The following SLC26A4 variants were observed in gnomAD, a reference collection of about 807,000 sequenced individuals.
SLC26A4 encodes the protein pendrin.
A neutral mutation model predicts 90.4 loss-of-function variants in SLC26A4; 93 were observed. That is an observed-to-expected ratio of 1.03 (90% CI 0.87 to 1.22). SLC26A4 has a LOEUF of 1.22. Ranked by LOEUF, SLC26A4 falls within the 50% of genes most tolerant of loss-of-function variation. The pLI, the probability that SLC26A4 is intolerant of heterozygous loss-of-function variation, is 0.00. For missense variants in SLC26A4, 1,127 were observed against 946.2 expected, an observed-to-expected ratio of 1.19 and a Z score of -2.51; for synonymous variants, 393 against 354.6, an observed-to-expected ratio of 1.11 and a Z score of -1.22.
rs367833579 is a variant in SLC26A4, at chr7:107,661,420, G to C, written c.-3-219G>C. 4.3e-5 allele frequency: 26 copies of C among 604,778 alleles called. No individual in the cohort carries two copies. In the East Asian group the frequency reaches 5.3e-4, roughly 12 times the overall value. 37.5% of individuals were successfully genotyped at this position (604,778 alleles called of 1,614,324 possible). A position where few individuals can be genotyped will look rare whatever the true frequency, so the allele number is the denominator to read the frequency against. ...CCCGGGCAGCGGGTGCAGGCCACGA[G>C]ACCCGAAGGTTCTCAGGTGCCCCCC... On this transcript the variant is annotated intron_variant, in intron 1 of 20. Transcript: ENST00000644269. The surrounding 1 kb of genome is among the most constrained non-coding windows in gnomAD (Gnocchi z 5.1).
chr7:107,684,894 A>G (rs781439570), intron 8 of SLC26A4, among the ~76,000 whole-genome samples: 47 of 152,202 alleles, frequency 3.1e-4, no homozygotes, highest in Admixed American at 7.9e-4. Context: ...TAGGTGGTCC[A>G]CAGAGCAGGC....
chr7:107,695,365 T>C (rs1474575774), intron 12 of SLC26A4, among the ~76,000 whole-genome samples: 1 of 152,166 alleles, frequency 6.6e-6, no homozygotes, highest in African/African-American at 2.4e-5. Context: ...GTTTTCCCCT[T>C]TTTAATGATA....
chr7:107,690,695 C>T (rs1377758377), intron 10 of SLC26A4, among the ~76,000 whole-genome samples: 2 of 152,134 alleles, frequency 1.3e-5, no homozygotes, highest in Non-Finnish European at 2.9e-5. Context: ...TCCCACAGAA[C>T]AACAGTTTGC....
At chr7:107,690,100 G>A (rs754833973) in intron 9 of SLC26A4, 24 bp from the exon 10 acceptor site, 61 of 1,306,098 alleles carry the variant, frequency 4.7e-5, no homozygotes, top group Non-Finnish European at 3.8e-5. Flanking sequence ...TTGTAGGATC[G>A]TTGTCATCCA....
chr7:107,701,749 C>A, intron 16 of SLC26A4, 78 bp from the exon 17 acceptor site: 2 of 992,216 alleles, frequency 2.0e-6, no homozygotes, highest in Non-Finnish European at 3.2e-6. Context: ...GTGTGTAGGT[C>A]TTTTGGATAA....
chr7:107,694,419 C>T lies in SLC26A4; in HGVS notation c.1280C>T (p.Ser427Phe). Residue 427 changes from serine to phenylalanine, a missense_variant, in exon 11 of 21, where the codon TCT becomes TTT. Physicochemically the swap from Ser to Phe is radical, Grantham distance 155. Transcript: ENST00000644269. ...GTCTTCCAGGTTGCTGGCATCATCT[C>T]TGCTGCGATTGTGATGATCGCCATT... Reference protein sequence around the residue: ...GGKTQVAGIISAAIVMIAILA... With the variant: ...GGKTQVAGIIFAAIVMIAILA... 2.5e-6 allele frequency: 4 copies of T among 1,613,280 alleles called. No individual in the cohort carries two copies. The highest frequency in any genetic ancestry group is 3.4e-6 in the Non-Finnish European group (4 of 1,179,284).
At chr7:107,702,281 G>T (rs1312820653) in intron 17 of SLC26A4, among the ~76,000 whole-genome samples, 1 of 152,206 alleles carries the variant, frequency 6.6e-6, no homozygotes, top group African/African-American at 2.4e-5. Flanking sequence ...TGGGCAAGTT[G>T]CTTAATCTGT....
chr7:107,700,369 T>G (rs747698174), intron 15 of SLC26A4, among the ~76,000 whole-genome samples, 194 bp downstream of exon 15: 16 of 152,188 alleles, frequency 1.1e-4, no homozygotes, highest in Admixed American at 2.0e-4. Context: ...AAAACACATA[T>G]GTTAAAACCC....
rs1407988275 is a variant in SLC26A4 at position 107,717,501 on chromosome 7, G to C, written c.*2055G>C. On this transcript the variant is annotated 3_prime_UTR_variant, in exon 21 of 21. Coordinates refer to ENST00000644269, the MANE Select transcript of SLC26A4 (RefSeq NM_000441.2). ...TGCCAAAGTTACGTTTTACAACAAG[G>C]CTAGAGTTTGTAAATTCTGGGTTCA... The C allele has an allele frequency of 6.6e-6, 1 of 152,522 alleles. No homozygotes were observed. Among genetic ancestry groups the C allele is most frequent in the Non-Finnish European group, 1.5e-5 (1 of 68,030 alleles). The allele number at this position is 152,522 out of a possible 1,614,324, so 9.4% of individuals were successfully genotyped here. A position where few individuals can be genotyped will look rare whatever the true frequency, so the allele number is the denominator to read the frequency against.
intron 14 of SLC26A4, among the ~76,000 whole-genome samples, chr7:107,698,441 C>T (rs1410488334): frequency 4.6e-5 from 7 of 152,066 alleles, no homozygotes; most frequent in Non-Finnish European, 7.4e-5. Context: ...TCTCAGCCTC[C>T]GAGTGGCTGG....
At chr7:107,692,508 G>C (rs1422197268) in intron 10 of SLC26A4, among the ~76,000 whole-genome samples, 1 of 152,120 alleles carries the variant, frequency 6.6e-6, no homozygotes, top group Non-Finnish European at 1.5e-5. Flanking sequence ...ACTCCTTTAG[G>C]CAAGAATAGC....
In SLC26A4 at chr7:107,701,202, A is replaced by T; in HGVS notation, c.1803+6A>T. On this transcript the variant is annotated splice_donor_region_variant and intron_variant, in intron 16 of 20. Coordinates refer to ENST00000644269, the MANE Select transcript of SLC26A4 (RefSeq NM_000441.2). ...GACAATTAAGAGCAACAAAGGTGAG[A>T]TGACATCTTTCTTTTCCCCCTTAAA... 1 of 1,547,102 alleles carries T rather than the reference A, an allele frequency of 6.5e-7. No individual in the cohort carries two copies. The highest frequency in any genetic ancestry group is 8.9e-7 in the Non-Finnish European group (1 of 1,119,162).
rs876657583 is a variant in SLC26A4, at chr7:107,683,484, A to C, written c.948A>C (p.Gly316=). Residue 316 remains glycine, a synonymous_variant, in exon 8 of 21, where the codon GGA becomes GGC. Transcript: ENST00000644269. ...VTIIATAISY[G]ANLEKNYNAG... The stretch of plus-strand genomic sequence containing the variant: ...TAATTGCTACTGCCATTTCATATGG[A>C]GCCAACCTGGAAAAAAATTACAATG... 6.2e-7 allele frequency: 1 copy of C among 1,613,850 alleles called. No homozygotes were observed. Among genetic ancestry groups the C allele is most frequent in the African/African-American group, 1.3e-5 (1 of 74,928 alleles).
chr7:107,681,674 G>A (rs56087472), intron 6 of SLC26A4, among the ~76,000 whole-genome samples: 2 of 151,970 alleles, frequency 1.3e-5, no homozygotes, highest in East Asian at 1.9e-4. Context: ...AAAGATATTA[G>A]TGTTCTTCCT....
chr7:107,683,091 G>T (rs1791289903), intron 6 of SLC26A4, 111 bp from the exon 7 acceptor site: 2 of 814,594 alleles, frequency 2.5e-6, no homozygotes, highest in East Asian at 5.3e-5. Flanking sequence ...CTGATATCAT[G>T]GTTTTTCATG....
At position 107,661,943 on chromosome 7, in the gene SLC26A4, C is replaced by G; in HGVS notation, c.164+138C>G. 3 of 957,726 alleles carry G rather than the reference C, an allele frequency of 3.1e-6. No homozygotes were observed. The highest frequency in any genetic ancestry group is 4.5e-6 in the Non-Finnish European group (3 of 662,866). The allele number at this position is 957,726 out of a possible 1,614,324, so 59.3% of individuals were successfully genotyped here. A position where few individuals can be genotyped will look rare whatever the true frequency, so the allele number is the denominator to read the frequency against. On this transcript the variant is annotated intron_variant, in intron 2 of 20. Coordinates refer to ENST00000644269, the MANE Select transcript of SLC26A4 (RefSeq NM_000441.2). The surrounding 1 kb of genome is among the most constrained non-coding windows in gnomAD (Gnocchi z 5.1). ...GCGCCAGCTGCTTCTCCCAGAGGCC[C>G]GACTTTCGGTCTCCGGTCCTCCACG...
chr7:107,698,855 A>G (rs1791813275), intron 14 of SLC26A4, among the ~76,000 whole-genome samples: 1 of 152,216 alleles, frequency 6.6e-6, no homozygotes, highest in Non-Finnish European at 1.5e-5. Flanking sequence ...GAAATGAAAA[A>G]CAAAGAAATT....
intron 2 of SLC26A4, 50 bp from the exon 3 acceptor site, chr7:107,663,246 G>T: frequency 6.2e-7 from 1 of 1,606,724 alleles, no homozygotes; most frequent in Non-Finnish European, 8.5e-7. Context: ...TTTGCAAATT[G>T]GTTGTGACTG....
chr7:107,663,353 G>A lies in SLC26A4; in HGVS notation c.222G>A (p.Trp74Ter), dbSNP rs1388888912. The A allele has an allele frequency of 6.2e-7, 1 of 1,614,120 alleles. No individual in the cohort carries two copies. Among genetic ancestry groups the A allele is most frequent in the Admixed American group, 1.7e-5 (1 of 60,014 alleles). ...VLKTLVPILEWLPKYRVKEWL... is the reference protein window; with the variant it reads ...VLKTLVPILE Reference sequence around the variant, plus strand: ...AGACTCTTGTGCCCATCTTGGAGTGGCTCCCCAAATACCGAGTCAAGGAAT... The same window carrying A: ...AGACTCTTGTGCCCATCTTGGAGTGACTCCCCAAATACCGAGTCAAGGAAT... The change falls in exon 3 of 21, where the codon TGG (tryptophan) becomes TGA (stop). Residue 74 changes from tryptophan to a stop codon, truncating the protein, a stop_gained. Coordinates refer to ENST00000644269, the MANE Select transcript of SLC26A4 (RefSeq NM_000441.2). LOFTEE classifies it high-confidence loss of function.
Sources: allele counts gnomAD v4.1 joint callset (sites outside exome capture counted in the v4.1 genomes callset), GRCh38; gene constraint gnomAD v4.1.1; non-coding constraint Gnocchi (gnomAD v3.1); transcripts MANE v1.5; gene names NCBI Gene and HGNC (gene_info 2026-07-23, HGNC 2026-07-21).